Variants in FAS observed in about 807,000 individuals in gnomAD.
The protein encoded by FAS is tumor necrosis factor receptor superfamily member 6.
FAS carries 5 observed loss-of-function variants against 33.2 expected under a neutral mutation model. The observed-to-expected ratio is 0.15, with a 90% CI of 0.08 to 0.32. The LOEUF (loss-of-function observed/expected upper bound fraction) is 0.32. FAS is among the 10% of genes least tolerant of loss of function. The pLI, the probability that FAS is intolerant of heterozygous loss-of-function variation, is 1.00. For synonymous variants in FAS, 131 were observed against 130.7 expected, an observed-to-expected ratio of 1.00 and a Z score of -0.01; for missense variants, 339 against 386.0, an observed-to-expected ratio of 0.88 and a Z score of 1.02.
rs779642622 is a variant in FAS at position 89,008,875 on chromosome 10, A to T, written c.335-14A>T. 6 of 1,612,844 alleles carry T rather than the reference A, an allele frequency of 3.7e-6. No homozygotes were observed. Among genetic ancestry groups the T allele is most frequent in the Non-Finnish European group, 5.1e-6 (6 of 1,178,906 alleles). On this transcript the variant is annotated splice_polypyrimidine_tract_variant and intron_variant, in intron 3 of 8. Coordinates refer to ENST00000652046, the MANE Select transcript of FAS (RefSeq NM_000043.6). The stretch of plus-strand genomic sequence containing the variant: ...TAGCCGCTATAACTAATAGTTTCCA[A>T]ACTGATTTTCTAGGCTTAGAAGTGG...
At chr10:89,010,841 C>G (rs1382401407) in intron 6 of FAS, 26 bp downstream of exon 6, 2 of 1,612,890 alleles carry the variant, frequency 1.2e-6, no homozygotes, top group African/African-American at 2.7e-5. Flanking sequence ...GTTCAAACTG[C>G]AGATTGAAAT....
Position 88,990,847 on chromosome 10 carries a change from T to C in FAS, c.-30T>C, listed in dbSNP as rs1847132859. Reference sequence around the variant, plus strand: ...CCGCTCAGTACGGAGTTGGGGAAGCTCTTTCACTTCGGAGGATTGCTCAAC... The same window carrying C: ...CCGCTCAGTACGGAGTTGGGGAAGCCCTTTCACTTCGGAGGATTGCTCAAC... On this transcript the variant is annotated 5_prime_UTR_variant, in exon 1 of 9. Coordinates refer to ENST00000652046, the MANE Select transcript of FAS (RefSeq NM_000043.6). The surrounding 1 kb of genome is among the most constrained non-coding windows in gnomAD (Gnocchi z 4.9). 6.2e-7 allele frequency: 1 copy of C among 1,614,070 alleles called. No homozygotes were observed. The highest frequency in any genetic ancestry group is 1.1e-5 in the South Asian group (1 of 91,084).
In FAS at chr10:88,990,952, C is replaced by T. The variant is rs1847144814; in HGVS notation, c.30+46C>T. The T allele has an allele frequency of 4.3e-6, 7 of 1,613,692 alleles. No homozygotes were observed. Among genetic ancestry groups the T allele is most frequent in the Non-Finnish European group, 5.1e-6 (6 of 1,179,660 alleles). Reference sequence around the variant, plus strand: ...GTGGAGGCTTACCCCGTCTTAGTCCCGGGGATAGGCAAAGTGGGGCGGGCG... The same window carrying T: ...GTGGAGGCTTACCCCGTCTTAGTCCTGGGGATAGGCAAAGTGGGGCGGGCG... On this transcript the variant is annotated intron_variant, in intron 1 of 8. Transcript: ENST00000652046. This position sits in a 1 kb window ranked among gnomAD's most constrained non-coding sequence, Gnocchi z 4.9.
chr10:88,971,932 T>C (rs1040084034), intron 1 of FAS, among the ~76,000 whole-genome samples: 2 of 151,362 alleles, frequency 1.3e-5, no homozygotes, highest in African/African-American at 4.9e-5. Context: ...TTTTTTTAGA[T>C]GGAGTCTTGC....
At chr10:88,988,666 T>C (rs1238653686), upstream of FAS, among the ~76,000 whole-genome samples, 1 of 152,182 alleles carries the variant, frequency 6.6e-6, no homozygotes, top group Non-Finnish European at 1.5e-5. Context: ...CTCTCAGGAA[T>C]ATGCTGGTAA....
chr10:89,013,379 A>T lies in FAS; in HGVS notation c.676+12A>T, dbSNP rs777843173. On this transcript the variant is annotated intron_variant, in intron 8 of 8. Transcript: ENST00000652046. ...AATAAATTTATCTGGTAAGGCTTTT[A>T]TCATTTTATTTCATAGAGATGGCAT... The T allele has an allele frequency of 6.2e-7, 1 of 1,611,416 alleles. No homozygotes were observed. The highest frequency in any genetic ancestry group is 1.1e-5 in the South Asian group (1 of 90,840).
At chr10:88,980,969 T>A (rs1170192871) in intron 2 of FAS, among the ~76,000 whole-genome samples, 1 of 152,128 alleles carries the variant, frequency 6.6e-6, no homozygotes, top group Admixed American at 6.5e-5. Context: ...GAGGCTTTGG[T>A]TTGCCTTATA....
rs768851846 is a variant in FAS at position 89,014,420 on chromosome 10, C to T, written c.978C>T (p.Asn326=). ...TTACTAGTGACTCAGAAAATTCAAA[C>T]TTCAGAAATGAAATCCAAAGCTTGG... is the stretch of plus-strand genomic sequence containing the variant. ...KDITSDSENS[N]FRNEIQSLV The change falls in exon 9 of 9, where the codon AAC becomes AAT. Residue 326 remains asparagine, a synonymous_variant. Transcript: ENST00000652046. 51 of 1,611,562 alleles carry T rather than the reference C, an allele frequency of 3.2e-5. No homozygotes were observed. The highest frequency in any genetic ancestry group is 1.6e-4 in the Middle Eastern group (1 of 6,080).
intron 1 of FAS, among the ~76,000 whole-genome samples, chr10:88,998,028 T>C (rs1293632734): frequency 1.3e-5 from 2 of 152,192 alleles, no homozygotes; most frequent in African/African-American, 4.8e-5. Context: ...AGTTTATATG[T>C]AACACTAATG....
At chr10:89,007,906 A>G in intron 3 of FAS, 69 bp downstream of exon 3, 6 of 1,604,874 alleles carry the variant, frequency 3.7e-6, no homozygotes, top group Non-Finnish European at 4.2e-6. Context: ...TTATAAGACA[A>G]TTTGAAATTG....
intron 1 of FAS, among the ~76,000 whole-genome samples, chr10:88,994,865 A>C (rs2133418265): frequency 6.6e-6 from 1 of 151,348 alleles, no homozygotes; most frequent in Non-Finnish European, 1.5e-5. Flanking sequence ...ATTGAAAAAA[A>C]GCATTTCTTA....
In FAS at chr10:88,965,618, C is replaced by T. The variant is rs368921174; in HGVS notation, n.95-7564C>T. On this transcript the variant is annotated intron_variant and non_coding_transcript_variant, in intron 1 of 3. Coordinates refer to the FAS transcript ENST00000688239. ...AAAGCCAATGCACAGAACAGAGGTCCTCGGGCAAACAGGTTGAACCATAGT... is the reference window on the plus strand; with the variant it reads ...AAAGCCAATGCACAGAACAGAGGTCTTCGGGCAAACAGGTTGAACCATAGT... 7.2e-5 allele frequency among the ~76,000 whole-genome samples: 11 copies of T among 152,032 alleles called. No individual in the cohort carries two copies. The East Asian group carries it at 1.7e-3, about 24-fold the overall frequency.
At chr10:89,006,339 T>C (rs1848228684) in intron 2 of FAS, among the ~76,000 whole-genome samples, 1 of 152,224 alleles carries the variant, frequency 6.6e-6, no homozygotes, top group Non-Finnish European at 1.5e-5. Context: ...TTTTTACTAT[T>C]GACAGACTAT....
chr10:89,007,410 G>T (rs1043739260), intron 2 of FAS, among the ~76,000 whole-genome samples: 5 of 152,100 alleles, frequency 3.3e-5, no homozygotes, highest in African/African-American at 1.2e-4. Context: ...GGCATTTCAT[G>T]CAGTGTACTT....
rs891207457 is a variant in FAS, at chr10:89,013,364, T to A, written c.673T>A (p.Ser225Thr). 6.2e-7 allele frequency: 1 copy of A among 1,612,058 alleles called. No individual in the cohort carries two copies. The highest frequency in any genetic ancestry group is 8.5e-7 in the Non-Finnish European group (1 of 1,179,112). Residue 225 changes from serine (S) to threonine (T), a missense_variant, in exon 8 of 9, where the codon TCT becomes ACT. Around this residue, in one of 3 missense-constraint regions of FAS, gnomAD observed 276 missense variants for 300.1 expected, o/e 0.92. Coordinates refer to ENST00000652046, the MANE Select transcript of FAS (RefSeq NM_000043.6). Reference sequence around the variant, plus strand: ...CTAGGAAACAGTGGCAATAAATTTATCTGGTAAGGCTTTTATCATTTTATT... The same window carrying A: ...CTAGGAAACAGTGGCAATAAATTTAACTGGTAAGGCTTTTATCATTTTATT... ...LNPETVAINL[S>T]DVDLSKYITT...
At chr10:88,975,415 G>A (rs932257330) in intron 2 of FAS, among the ~76,000 whole-genome samples, 1 of 152,176 alleles carries the variant, frequency 6.6e-6, no homozygotes, top group South Asian at 2.1e-4. Flanking sequence ...GTACCTGAAA[G>A]TGTTTGTTTT....
chr10:89,000,774 C>T (rs536127617), intron 1 of FAS, among the ~76,000 whole-genome samples: 1 of 152,288 alleles, frequency 6.6e-6, no homozygotes, highest in South Asian at 2.1e-4. Context: ...TGGCCGGGTG[C>T]GTTGGCTCAT....
At chr10:88,974,101 C>T (rs532364167) in intron 2 of FAS, 1 of 152,250 alleles carries the variant, frequency 6.6e-6, no homozygotes, top group Admixed American at 6.5e-5. Context: ...TGTGCCCTGC[C>T]TCTGTTTTGT....
At chr10:88,984,366 G>A (rs972706453), upstream of FAS, among the ~76,000 whole-genome samples, 1 of 152,120 alleles carries the variant, frequency 6.6e-6, no homozygotes, top group African/African-American at 2.4e-5. Flanking sequence ...CTACCTTTCT[G>A]CCTGTATAGG....
Sources: gnomAD v4.1 joint callset for allele counts (sites outside exome capture counted in the v4.1 genomes callset) on GRCh38, gnomAD v4.1.1 for gene constraint, gnomAD v4.1.1 regional missense constraint, Gnocchi (gnomAD v3.1) non-coding constraint, MANE v1.5 for transcripts, NCBI Gene and HGNC (gene_info 2026-07-23, HGNC 2026-07-21) for gene names.